CYP4X1: variants seen among roughly 807,000 people sequenced by gnomAD.
CYP4X1 encodes the protein cytochrome P450 4X1.
CYP4X1 carries 44 observed loss-of-function variants against 57.9 expected under a neutral mutation model. That is an observed-to-expected ratio of 0.76 (90% CI 0.60 to 0.98). The LOEUF is 0.98. Among genes scored for constraint, CYP4X1 ranks in the 50% least tolerant of loss-of-function variants. The probability of loss-of-function intolerance (pLI) is 0.00; values close to 1 mark genes in which losing one functional copy is unlikely to be tolerated. For missense variants in CYP4X1, 532 were observed against 623.9 expected (o/e 0.85, Z 1.57); for synonymous variants, 227 against 228.6 (o/e 0.99, Z 0.06).
At chr1:47,031,698 G>A (rs1644125490) in intron 3 of CYP4X1, among the ~76,000 whole-genome samples, 1 of 152,062 alleles carries the variant, frequency 6.6e-6, no homozygotes, top group African/African-American at 2.4e-5. Flanking sequence ...CTCCCACAAA[G>A]TCTTATTCTC....
chr1:46,964,866 T>A, the CYP4X1 span, among the ~76,000 whole-genome samples: 5 of 152,228 alleles, frequency 3.3e-5, no homozygotes, highest in Admixed American at 6.5e-5. Context: ...GCAGGACTCC[T>A]TGAGCTGCAG....
rs1644303753 is a variant in CYP4X1, at chr1:47,046,517, G to A, written c.1124G>A (p.Cys375Tyr). The A allele has an allele frequency of 1.9e-6, 3 of 1,614,030 alleles. No homozygotes were observed. Among genetic ancestry groups the A allele is most frequent in the Non-Finnish European group, 2.5e-6 (3 of 1,180,030 alleles). Reference protein sequence around the residue: ...SYTTMCIKETCRLIPAVPSIS... With the variant: ...SYTTMCIKETYRLIPAVPSIS... ...ACCACAATGTGCATCAAGGAGACGT[G>A]CCGATTGATTCCTGCAGTCCCGTCC... The change falls in exon 9 of 12, where the codon TGC becomes TAC. Residue 375 changes from cysteine (C) to tyrosine (Y), a missense_variant. Cys to Tyr is a radical substitution (Grantham distance 194). Transcript: ENST00000371901.
rs1272805957 is a variant in CYP4X1, at chr1:47,030,073, TC to T, written c.262del (p.Gln88ArgfsTer16). ...RAFPFWIGPF[Q>X]AFFCIYDPDY... ...CCTTCCCTTTCTGGATTGGGCCCTT[TC>T]AGGCATTTTTCTGTATCTATGACCC... On this transcript the variant is annotated frameshift_variant, in exon 2 of 12. Coordinates refer to ENST00000371901, the MANE Select transcript of CYP4X1 (RefSeq NM_178033.2). LOFTEE classifies it high-confidence loss of function. 1 of 1,614,146 alleles carries T rather than the reference TC, an allele frequency of 6.2e-7. No individual in the cohort carries two copies. Among genetic ancestry groups the T allele is most frequent in the Non-Finnish European group, 8.5e-7 (1 of 1,180,006 alleles).
the CYP4X1 span, among the ~76,000 whole-genome samples, chr1:47,015,973 C>T: frequency 6.6e-6 from 1 of 152,108 alleles, no homozygotes; most frequent in African/African-American, 2.4e-5. Context: ...TTTTATTTTA[C>T]TCATCTTCTA....
At chr1:47,038,921 AAG>A (rs1250767972) in intron 7 of CYP4X1, among the ~76,000 whole-genome samples, 155 bp downstream of exon 7, 11 of 148,886 alleles carry the variant, frequency 7.4e-5, no homozygotes, top group Non-Finnish European at 4.4e-5. Context: ...ATTTGAGACA[AAG>A]AGAGAATTCT....
chr1:47,047,343 C>A (rs1246434825), intron 9 of CYP4X1, among the ~76,000 whole-genome samples: 1 of 152,184 alleles, frequency 6.6e-6, no homozygotes, highest in Non-Finnish European at 1.5e-5. Flanking sequence ...TCTTAGGAAG[C>A]AAGCCAACAG....
chr1:47,051,415 A>C (rs1644359811), downstream of CYP4X1, among the ~76,000 whole-genome samples: 1 of 151,508 alleles, frequency 6.6e-6, no homozygotes, highest in South Asian at 2.1e-4. Flanking sequence ...TCTCAATCTT[A>C]ATGTTGTCAT....
the CYP4X1 span, among the ~76,000 whole-genome samples, chr1:47,006,825 C>T: frequency 4.6e-5 from 7 of 152,190 alleles, no homozygotes; most frequent in Admixed American, 1.3e-4. Flanking sequence ...CACGGAGCCT[C>T]GCTCATTGCT....
At chr1:47,023,506 A>T, upstream of CYP4X1, 2 of 1,100,018 alleles carry the variant, frequency 1.8e-6, no homozygotes, top group Non-Finnish European at 2.2e-6. Context: ...ATTATTTTAC[A>T]ATATAAATTC....
the CYP4X1 span, among the ~76,000 whole-genome samples, chr1:46,985,164 C>T: frequency 6.6e-6 from 1 of 152,248 alleles, no homozygotes; most frequent in East Asian, 1.9e-4. Flanking sequence ...CTAGATTCCT[C>T]CTCTTTGGCC....
Position 47,031,446 on chromosome 1 carries a change from C to T in CYP4X1, c.330C>T (p.Ser110=), listed in dbSNP as rs1557603413. Residue 110 remains serine, a synonymous_variant, in exon 3 of 12, where the codon TCC becomes TCT. Transcript: ENST00000371901. The part of the protein sequence containing the change: ...KTLLSRTDPK[S]QYLQKFSPPL... ...TGCTTGACTCTGCAGATCCCAAGTC[C>T]CAGTACCTGCAGAAATTCTCACCTC... 4 of 1,614,000 alleles carry T rather than the reference C, an allele frequency of 2.5e-6. No homozygotes were observed. Among genetic ancestry groups the T allele is most frequent in the East Asian group, 2.2e-5 (1 of 44,864 alleles).
chr1:46,969,767 C>G, the CYP4X1 span, among the ~76,000 whole-genome samples: 2 of 152,178 alleles, frequency 1.3e-5, no homozygotes, highest in Non-Finnish European at 2.9e-5. Context: ...CTAAAAAGGC[C>G]TTTCCCCACA....
the CYP4X1 span, among the ~76,000 whole-genome samples, chr1:47,001,826 C>T: frequency 6.6e-6 from 1 of 152,226 alleles, no homozygotes; most frequent in Admixed American, 6.5e-5. Context: ...CATCTGGCAG[C>T]CAAACCCTCC....
At chr1:47,023,524 G>A (rs981858347), upstream of CYP4X1, 10 of 1,158,716 alleles carry the variant, frequency 8.6e-6, no homozygotes, top group Admixed American at 4.6e-5. Context: ...TTCAGATCCC[G>A]TGACTGAAAA....
the CYP4X1 span, among the ~76,000 whole-genome samples, chr1:46,995,812 G>A: frequency 6.6e-6 from 1 of 152,228 alleles, no homozygotes; most frequent in African/African-American, 2.4e-5. Context: ...ACCAACGGCA[G>A]AAGGCCATGC....
intron 4 of CYP4X1, among the ~76,000 whole-genome samples, chr1:47,034,618 G>A (rs1464130889): frequency 6.6e-6 from 1 of 152,094 alleles, no homozygotes; most frequent in Non-Finnish European, 1.5e-5. Flanking sequence ...CCCGAAGTCA[G>A]CCAGGACTGT....
chr1:47,051,872 T>C (rs1274714119), downstream of CYP4X1, among the ~76,000 whole-genome samples: 2 of 152,042 alleles, frequency 1.3e-5, no homozygotes, highest in Non-Finnish European at 2.9e-5. Context: ...CTAAAATAAC[T>C]CACTTTCTCT....
chr1:47,011,900 CA>C, the CYP4X1 span, among the ~76,000 whole-genome samples: 1 of 152,152 alleles, frequency 6.6e-6, no homozygotes, highest in African/African-American at 2.4e-5. Context: ...ATTAAAAAGT[CA>C]GGAAACAACA....
chr1:47,021,532 G>T (rs543904418), upstream of CYP4X1, among the ~76,000 whole-genome samples: 60 of 152,342 alleles, frequency 3.9e-4, no homozygotes, highest in South Asian at 0.012. Context: ...AAAGTTGAGA[G>T]CACAGGGGAT....
Sources: allele counts gnomAD v4.1 joint callset (sites outside exome capture counted in the v4.1 genomes callset), GRCh38; gene constraint gnomAD v4.1.1; transcripts MANE v1.5; gene names NCBI Gene and HGNC (gene_info 2026-07-23, HGNC 2026-07-21).